Variants in FUBP1 observed in about 807,000 individuals in gnomAD.
FUBP1 encodes the protein far upstream element-binding protein 1.
Under a neutral mutation model 94.9 loss-of-function variants are expected in FUBP1, and 16 were observed. That is an observed-to-expected ratio of 0.17 (90% confidence interval 0.11 to 0.26). The LOEUF (loss-of-function observed/expected upper bound fraction) is 0.26, where lower values mean the gene tolerates loss of function less well. Among genes scored for constraint, FUBP1 ranks in the 10% least tolerant of loss-of-function variants. FUBP1 has a pLI of 1.00. For synonymous variants in FUBP1, 279 were observed against 254.9 expected, an observed-to-expected ratio of 1.09 and a Z score of -0.90; for missense variants, 583 against 808.6, an observed-to-expected ratio of 0.72 and a Z score of 3.38.
intron 16 of FUBP1, among the ~76,000 whole-genome samples, chr1:77,958,450 C>CT (rs989830970): frequency 6.6e-6 from 1 of 152,128 alleles, no homozygotes; most frequent in African/African-American, 2.4e-5. Context: ...ACAGACCACT[C>CT]TTTTTTTAAA....
At chr1:77,960,755 C>T (rs2102352310) in intron 14 of FUBP1, 2 of 361,218 alleles carry the variant, frequency 5.5e-6, no homozygotes, top group South Asian at 7.6e-5. Flanking sequence ...ATTAAATTTC[C>T]TTTAGCTTGT....
At chr1:77,953,574 G>A (rs1410038374) in intron 18 of FUBP1, among the ~76,000 whole-genome samples, 1 of 152,014 alleles carries the variant, frequency 6.6e-6, no homozygotes, top group African/African-American at 2.4e-5. Flanking sequence ...AGGTTCTTTA[G>A]TCATACAGCA....
At chr1:77,967,566 GT>G in intron 4 of FUBP1, 60 bp downstream of exon 4, 4 of 1,329,668 alleles carry the variant, frequency 3.0e-6, no homozygotes, top group Non-Finnish European at 4.3e-6. Flanking sequence ...ATGTGGTTGT[GT>G]TTTTACATAC....
chr1:77,967,040 G>C lies in FUBP1; in HGVS notation c.343+9C>G, dbSNP rs1656643203. The C allele has an allele frequency of 6.4e-7, 1 of 1,568,232 alleles. No individual in the cohort carries two copies. Among genetic ancestry groups the C allele is most frequent in the African/African-American group, 1.4e-5 (1 of 73,786 alleles). On this transcript the variant is annotated intron_variant, in intron 5 of 19. Coordinates refer to ENST00000370768, the MANE Select transcript of FUBP1 (RefSeq NM_003902.5). ...ATGTTTTCAAAACTTTAAAAATCAA[G>C]TTACTTACTGAATCCAACCATTCCA...
upstream of FUBP1, chr1:77,979,219 A>C (rs1659375258): frequency 1.8e-6 from 1 of 549,298 alleles, no homozygotes; most frequent in Non-Finnish European, 3.2e-6. Context: ...AGGAACAGAG[A>C]CGTCGCGAGG....
intron 14 of FUBP1, among the ~76,000 whole-genome samples, chr1:77,962,495 CA>C (rs1186592644): frequency 3.3e-5 from 5 of 152,192 alleles, no homozygotes; most frequent in Admixed American, 6.5e-5. Flanking sequence ...CACAATCCTA[CA>C]CCAACACTAA....
intron 6 of FUBP1, 66 bp from the exon 7 acceptor site, chr1:77,966,817 AG>A (rs2102419298): frequency 8.1e-7 from 1 of 1,237,270 alleles, no homozygotes; most frequent in Admixed American, 1.9e-5. Flanking sequence ...TGTTACTAGA[AG>A]GCTTAAAAAA....
intron 7 of FUBP1, among the ~76,000 whole-genome samples, chr1:77,966,322 G>A (rs2102413693): frequency 6.6e-6 from 1 of 152,298 alleles, no homozygotes; most frequent in South Asian, 2.1e-4. Flanking sequence ...AAGAGCCTGG[G>A]AGAGGAGTGG....
At chr1:77,955,692 T>C (rs1476688547) in intron 17 of FUBP1, among the ~76,000 whole-genome samples, 3 of 152,202 alleles carry the variant, frequency 2.0e-5, no homozygotes, top group Non-Finnish European at 4.4e-5. Flanking sequence ...GATATGAACA[T>C]AGTTTTTAAA....
intron 18 of FUBP1, among the ~76,000 whole-genome samples, chr1:77,953,002 G>GTTGGGCGCCTGTAATCCCAGCTAC (rs1553247901): frequency 1.3e-5 from 2 of 151,994 alleles, no homozygotes; most frequent in African/African-American, 4.8e-5. Flanking sequence ...GCTGGGTGTG[G>GTTGGGCGCCTGTAATCCCAGCTAC]TTGGGCGCCT....
intron 1 of FUBP1, among the ~76,000 whole-genome samples, chr1:77,974,492 C>T (rs1471977158): frequency 6.6e-6 from 1 of 152,108 alleles, no homozygotes; most frequent in Non-Finnish European, 1.5e-5. Flanking sequence ...TGGTCTCAGA[C>T]TCCTGGGCTC....
At chr1:77,959,990 A>G (rs1245276135) in intron 16 of FUBP1, among the ~76,000 whole-genome samples, 194 bp downstream of exon 16, 3 of 152,262 alleles carry the variant, frequency 2.0e-5, no homozygotes, top group African/African-American at 7.2e-5. Flanking sequence ...GCAAGTAGAA[A>G]GAAATTCCAT....
chr1:77,947,519 G>C lies in FUBP1; in HGVS notation c.*1247C>G, dbSNP rs910327419. Reference sequence around the variant, plus strand: ...CAGCACAGTCCTCCTCACCCCTACAGAGCTAGTTCTATACTGGCTGGATCA... The same window carrying C: ...CAGCACAGTCCTCCTCACCCCTACACAGCTAGTTCTATACTGGCTGGATCA... On this transcript the variant is annotated 3_prime_UTR_variant, in exon 20 of 20. Coordinates refer to ENST00000370768, the MANE Select transcript of FUBP1 (RefSeq NM_003902.5). The C allele has an allele frequency of 2.2e-6, 3 of 1,350,150 alleles. No homozygotes were observed. The highest frequency in any genetic ancestry group is 1.5e-5 in the African/African-American group (1 of 68,794). 83.6% of individuals were successfully genotyped at this position (1,350,150 alleles called of 1,614,324 possible).
intron 4 of FUBP1, among the ~76,000 whole-genome samples, 167 bp from the exon 5 acceptor site, chr1:77,967,268 T>TA (rs1043205883): frequency 6.6e-6 from 1 of 152,242 alleles, no homozygotes; most frequent in African/African-American, 2.4e-5. Context: ...CTTGAGTAGT[T>TA]AAATTAAGAA....
intron 16 of FUBP1, 142 bp from the exon 17 acceptor site, chr1:77,956,842 C>G (rs780721815): frequency 6.3e-6 from 3 of 474,558 alleles, no homozygotes; most frequent in Non-Finnish European, 1.1e-5. Flanking sequence ...TATATGAAAA[C>G]TTAAATTTTC....
intron 3 of FUBP1, 48 bp downstream of exon 3, chr1:77,968,117 T>C (rs74092340): frequency 0.051 from 61,721 of 1,212,062 alleles, 2,890 homozygotes; most frequent in African/African-American, 0.23. Flanking sequence ...AATCTTAACA[T>C]TGAAATTGTT....
intron 18 of FUBP1, among the ~76,000 whole-genome samples, chr1:77,952,767 G>C (rs1166855158): frequency 6.6e-6 from 1 of 152,160 alleles, no homozygotes; most frequent in Non-Finnish European, 1.5e-5. Context: ...TATAGAAAAA[G>C]ACAAATTGAC....
chr1:77,960,225 T>C lies in FUBP1; in HGVS notation c.1535A>G (p.Asn512Ser). The C allele has an allele frequency of 6.2e-7, 1 of 1,612,388 alleles. No homozygotes were observed. The highest frequency in any genetic ancestry group is 2.2e-5 in the East Asian group (1 of 44,876). Residue 512 changes from asparagine to serine, a missense_variant, in exon 16 of 20, where the codon AAT becomes AGT. By Grantham distance (46) the Asn-to-Ser change is conservative. Coordinates refer to ENST00000370768, the MANE Select transcript of FUBP1 (RefSeq NM_003902.5). ...PAPYAPQGWG[N>S]AYPHWQQQAP... ...CTGCTGCTGCCAGTGTGGATATGCA[T>C]TTCCCCATCCCTGGGGAGCATATGG...
chr1:77,960,717 TTTAAATTAAATTAAATTTAAATTAGCAA>T, intron 14 of FUBP1: 1 of 428,120 alleles, frequency 2.3e-6, no homozygotes, highest in Non-Finnish European at 4.1e-6. Context: ...TTAAATGCAA[TTTAAATTAAATTAAATTTAAATTAGCAA>T]TTAAATTTCC....
Sources: allele counts gnomAD v4.1 joint callset (sites outside exome capture counted in the v4.1 genomes callset), GRCh38; gene constraint gnomAD v4.1.1; transcripts MANE v1.5; gene names NCBI Gene and HGNC (gene_info 2026-07-23, HGNC 2026-07-21).